The following GALNTL6 variants were observed in gnomAD, a reference collection of about 807,000 sequenced individuals.
GALNTL6 encodes the protein polypeptide N-acetylgalactosaminyltransferase-like 6.
A neutral mutation model predicts 73.7 loss-of-function variants in GALNTL6; 46 were observed. That is an observed-to-expected ratio of 0.62 (90% CI 0.49 to 0.80). The LOEUF (loss-of-function observed/expected upper bound fraction) is 0.80. Among genes scored for constraint, GALNTL6 ranks in the 30% least tolerant of loss-of-function variants. GALNTL6 has a pLI of 0.00. For synonymous variants in GALNTL6, 259 were observed against 263.7 expected (o/e 0.98, Z 0.17); for missense variants, 604 against 755.0 (o/e 0.80, Z 2.34).
intron 7 of GALNTL6, among the ~76,000 whole-genome samples, chr4:172,864,703 C>A (rs1480061121): frequency 6.6e-6 from 1 of 152,118 alleles, no homozygotes; most frequent in Non-Finnish European, 1.5e-5. Context: ...TTAGTTTAAT[C>A]TATTAGAAAT....
intron 5 of GALNTL6, among the ~76,000 whole-genome samples, chr4:172,761,239 A>G (rs1738065770): frequency 6.6e-6 from 1 of 152,202 alleles, no homozygotes; most frequent in African/African-American, 2.4e-5. Context: ...TTATTCTACC[A>G]CTGTTGGTTC....
intron 3 of GALNTL6, among the ~76,000 whole-genome samples, chr4:172,275,033 G>A (rs1159346880): frequency 6.6e-6 from 1 of 152,178 alleles, no homozygotes; most frequent in Non-Finnish European, 1.5e-5. Context: ...CTTCCTGGAA[G>A]GTGTGCGAAA....
intron 5 of GALNTL6, among the ~76,000 whole-genome samples, chr4:172,377,493 G>T (rs1361121981): frequency 1.3e-5 from 2 of 152,190 alleles, no homozygotes; most frequent in Non-Finnish European, 2.9e-5. Flanking sequence ...TCCCGTGCTG[G>T]GGCCATGGGC....
At chr4:172,306,297 G>A (rs985007291) in intron 3 of GALNTL6, among the ~76,000 whole-genome samples, 3 of 152,112 alleles carry the variant, frequency 2.0e-5, no homozygotes, top group African/African-American at 7.2e-5. Flanking sequence ...GCTGAGGCAG[G>A]AGAATTGCTT....
intron 12 of GALNTL6, among the ~76,000 whole-genome samples, chr4:173,031,174 A>G (rs1753444147): frequency 6.6e-6 from 1 of 152,054 alleles, no homozygotes; most frequent in Non-Finnish European, 1.5e-5. Flanking sequence ...AATTCCCTTT[A>G]TTATCTACTT....
intron 11 of GALNTL6, among the ~76,000 whole-genome samples, chr4:173,016,555 A>G (rs1752790757): frequency 6.6e-6 from 1 of 152,214 alleles, no homozygotes. Context: ...TTGGACTTGC[A>G]TGGGGCCTTT....
intron 2 of GALNTL6, among the ~76,000 whole-genome samples, chr4:172,161,630 A>T (rs1291314023): frequency 6.6e-6 from 1 of 152,012 alleles, no homozygotes; most frequent in Non-Finnish European, 1.5e-5. Context: ...ATCTTAGAAG[A>T]GTCAAGAAAA....
At chr4:172,583,271 G>A (rs112813171) in intron 5 of GALNTL6, among the ~76,000 whole-genome samples, 75 of 152,152 alleles carry the variant, frequency 4.9e-4, no homozygotes, top group African/African-American at 1.7e-3. Flanking sequence ...GAACCCCAAT[G>A]TATCTTATAA....
At chr4:172,719,085 T>A (rs1325616591) in intron 5 of GALNTL6, among the ~76,000 whole-genome samples, 1 of 152,188 alleles carries the variant, frequency 6.6e-6, no homozygotes, top group Non-Finnish European at 1.5e-5. Flanking sequence ...CCCTTGTAGG[T>A]TAATTTTTGT....
chr4:172,071,743 C>A (rs1731537465), intron 2 of GALNTL6, among the ~76,000 whole-genome samples: 1 of 41,356 alleles, frequency 2.4e-5, no homozygotes, highest in African/African-American at 9.1e-5. Flanking sequence ...TGCATTTTGG[C>A]AGAGACTCAA....
chr4:171,917,226 A>T (rs531831881), intron 2 of GALNTL6, among the ~76,000 whole-genome samples: 68 of 152,024 alleles, frequency 4.5e-4, no homozygotes, highest in African/African-American at 1.6e-3. Flanking sequence ...CTTATTCCAG[A>T]CATATCTATT....
At chr4:172,771,464 G>A (rs1188001236) in intron 5 of GALNTL6, among the ~76,000 whole-genome samples, 2 of 152,204 alleles carry the variant, frequency 1.3e-5, no homozygotes, top group African/African-American at 4.8e-5. Context: ...ATCACTAGGT[G>A]TAATAGTACA....
intron 9 of GALNTL6, among the ~76,000 whole-genome samples, chr4:172,932,420 C>T (rs903523047): frequency 2.6e-5 from 4 of 152,082 alleles, no homozygotes; most frequent in South Asian, 2.1e-4. Flanking sequence ...CTTTGTGGGG[C>T]GGGGGGAGTT....
At chr4:172,422,484 G>A (rs992810992) in intron 5 of GALNTL6, among the ~76,000 whole-genome samples, 1 of 151,806 alleles carries the variant, frequency 6.6e-6, no homozygotes, top group South Asian at 2.1e-4. Context: ...TCCTTTTCTG[G>A]TTCCTCCTAC....
intron 2 of GALNTL6, among the ~76,000 whole-genome samples, chr4:171,888,733 A>T (rs188639921): frequency 8.5e-5 from 13 of 152,264 alleles, no homozygotes; most frequent in Admixed American, 7.2e-4. Context: ...CATGGATGCC[A>T]GAAAACATAG....
At chr4:171,935,587 A>G (rs1738315840) in intron 2 of GALNTL6, among the ~76,000 whole-genome samples, 1 of 152,120 alleles carries the variant, frequency 6.6e-6, no homozygotes, top group Non-Finnish European at 1.5e-5. Context: ...CTCTTACCTC[A>G]GCGTCCAGAA....
chr4:171,891,206 G>A lies in GALNTL6; in HGVS notation c.138+76488G>A, dbSNP rs577067379. On this transcript the variant is annotated intron_variant, in intron 2 of 12. Coordinates refer to ENST00000506823, the MANE Select transcript of GALNTL6 (RefSeq NM_001034845.3). ...CTACTTTAGAGAGTGAAGTCATTGTGAAACTAGAACAGATGTTTTTCTCTA... is the reference window on the plus strand; with the variant it reads ...CTACTTTAGAGAGTGAAGTCATTGTAAAACTAGAACAGATGTTTTTCTCTA... 3.3e-4 allele frequency among the ~76,000 whole-genome samples: 51 copies of A among 152,284 alleles called. 1 individual carries two copies. Among genetic ancestry groups the A allele is most frequent in the African/African-American group, 1.1e-3 (46 of 41,564 alleles).
chr4:172,198,494 C>A (rs542815452), intron 2 of GALNTL6, among the ~76,000 whole-genome samples: 4 of 151,604 alleles, frequency 2.6e-5, no homozygotes, highest in Admixed American at 2.6e-4. Context: ...ATGTGGCCAA[C>A]AAACATGAAA....
chr4:171,921,824 A>C (rs72696967), intron 2 of GALNTL6, among the ~76,000 whole-genome samples: 29,893 of 152,078 alleles, frequency 0.2, 3,557 homozygotes, highest in Middle Eastern at 0.29. Flanking sequence ...CATTTAAAAA[A>C]AGTCCTGCTG....
Sources: gnomAD v4.1 joint callset for allele counts (sites outside exome capture counted in the v4.1 genomes callset) on GRCh38, gnomAD v4.1.1 for gene constraint, MANE v1.5 for transcripts, NCBI Gene and HGNC (gene_info 2026-07-23, HGNC 2026-07-21) for gene names.